The following EPHB2 variants were observed in gnomAD, a reference collection of about 807,000 sequenced individuals.
EPHB2 encodes EPH receptor B2, also known as ephrin type-B receptor 2.
A neutral mutation model predicts 96.4 loss-of-function variants in EPHB2; 18 were observed. The observed-to-expected ratio is 0.19, with a 90% CI of 0.13 to 0.28. The LOEUF is 0.28. Among genes scored for constraint, EPHB2 ranks in the 10% least tolerant of loss-of-function variants. The pLI is 1.00. For missense variants in EPHB2, 989 were observed against 1,355.4 expected (o/e 0.73, Z 4.25); for synonymous variants, 506 against 534.1 (o/e 0.95, Z 0.72).
At position 22,914,209 on chromosome 1, in the gene EPHB2, T is replaced by C; in HGVS notation, c.*639T>C. The C allele has an allele frequency of 4.2e-6, 1 of 236,266 alleles. No homozygotes were observed. The highest frequency in any genetic ancestry group is 8.3e-5 in the South Asian group (1 of 12,118). The allele number at this position is 236,266 out of a possible 1,614,324, so 14.6% of individuals were successfully genotyped here. On this transcript the variant is annotated 3_prime_UTR_variant, in exon 16 of 16. Coordinates refer to ENST00000374630, the MANE Select transcript of EPHB2 (RefSeq NM_017449.5). ...CAATGAAAGACACTGTTTCTCCTGTTGGCTCACAGGGCTGAAAGGGGCTTT... is the reference window on the plus strand; with the variant it reads ...CAATGAAAGACACTGTTTCTCCTGTCGGCTCACAGGGCTGAAAGGGGCTTT...
chr1:22,780,217 G>A (rs1199339973), intron 1 of EPHB2, among the ~76,000 whole-genome samples: 1 of 152,226 alleles, frequency 6.6e-6, no homozygotes, highest in Non-Finnish European at 1.5e-5. Context: ...AGAGGACAGG[G>A]GTCCTGAACC....
At chr1:22,815,554 G>C (rs1645063647) in intron 3 of EPHB2, among the ~76,000 whole-genome samples, 1 of 152,234 alleles carries the variant, frequency 6.6e-6, no homozygotes, top group African/African-American at 2.4e-5. Flanking sequence ...CCACGCTGGA[G>C]GCTGGCCTGA....
intron 3 of EPHB2, among the ~76,000 whole-genome samples, chr1:22,819,301 C>T (rs771642826): frequency 6.6e-6 from 1 of 151,382 alleles, no homozygotes; most frequent in East Asian, 2.0e-4. Context: ...CTCCGGCCAC[C>T]GCCTCTCACA....
chr1:22,834,616 C>T (rs1645352870), intron 3 of EPHB2, among the ~76,000 whole-genome samples: 1 of 151,882 alleles, frequency 6.6e-6, no homozygotes, highest in African/African-American at 2.4e-5. Context: ...GCCAATAAAA[C>T]TTTATTTTCA....
chr1:22,820,099 C>T (rs1321882121), intron 3 of EPHB2, among the ~76,000 whole-genome samples: 2 of 152,138 alleles, frequency 1.3e-5, no homozygotes, highest in African/African-American at 2.4e-5. Flanking sequence ...ATATATCTCA[C>T]CATCCCCAGG....
In EPHB2 at chr1:22,758,861, T is replaced by G. The variant is rs544586884; in HGVS notation, c.62-22560T>G. 5.7e-5 allele frequency among the ~76,000 whole-genome samples: 8 copies of G among 140,822 alleles called. No individual in the cohort carries two copies. In the South Asian group the frequency reaches 1.8e-3, roughly 32 times the overall value. The allele number at this position is 140,822 out of a possible 152,430, so 92.4% of individuals were successfully genotyped here. On this transcript the variant is annotated intron_variant, in intron 1 of 15. Coordinates refer to ENST00000374630, the MANE Select transcript of EPHB2 (RefSeq NM_017449.5). ...TATTGGGGGCCCAGCCAGGTCCTGG[T>G]GGATGGATGATGGATGGATGAATGG...
intron 3 of EPHB2, among the ~76,000 whole-genome samples, chr1:22,850,423 G>C (rs993901197): frequency 3.3e-5 from 5 of 152,212 alleles, no homozygotes; most frequent in Non-Finnish European, 7.3e-5. Context: ...TCACCCTCAC[G>C]GTACCAGGAC....
At chr1:22,756,987 G>C (rs1557656230) in intron 1 of EPHB2, among the ~76,000 whole-genome samples, 1 of 152,172 alleles carries the variant, frequency 6.6e-6, no homozygotes, top group Non-Finnish European at 1.5e-5. Flanking sequence ...CCTAAATGAT[G>C]TTTAGTTTGT....
chr1:22,771,289 G>A (rs775193056), intron 1 of EPHB2, among the ~76,000 whole-genome samples: 1 of 152,200 alleles, frequency 6.6e-6, no homozygotes, highest in Non-Finnish European at 1.5e-5. Context: ...GACTCTGGGA[G>A]CCCCAGCACC....
At chr1:22,752,828 G>T (rs552434236) in intron 1 of EPHB2, among the ~76,000 whole-genome samples, 1 of 152,054 alleles carries the variant, frequency 6.6e-6, no homozygotes, top group African/African-American at 2.4e-5. Context: ...CTGTCGCCCC[G>T]GCTGGAGTGC....
intron 1 of EPHB2, among the ~76,000 whole-genome samples, chr1:22,750,992 T>C (rs973018889): frequency 6.6e-6 from 1 of 152,230 alleles, no homozygotes; most frequent in Non-Finnish European, 1.5e-5. Flanking sequence ...GGCTCTCTTC[T>C]AGTTCCAGCA....
intron 5 of EPHB2, among the ~76,000 whole-genome samples, chr1:22,870,013 G>T (rs1638608985): frequency 6.6e-6 from 1 of 152,298 alleles, no homozygotes; most frequent in East Asian, 1.9e-4. Context: ...GTGGGGTGAG[G>T]TGGGGTGTGG....
At chr1:22,816,238 T>G (rs1481825041) in intron 3 of EPHB2, among the ~76,000 whole-genome samples, 1 of 152,152 alleles carries the variant, frequency 6.6e-6, no homozygotes. Flanking sequence ...GTAATAGCCC[T>G]GCCGGCCCTC....
chr1:22,737,612 C>A (rs760312411), intron 1 of EPHB2, among the ~76,000 whole-genome samples: 1 of 152,176 alleles, frequency 6.6e-6, no homozygotes, highest in African/African-American at 2.4e-5. Flanking sequence ...TTTGTACTTA[C>A]CCTCAGCTCT....
rs1264066538 is a variant in EPHB2 at position 22,866,788 on chromosome 1, G to A, written c.1303+1576G>A. On this transcript the variant is annotated intron_variant, in intron 5 of 15. Coordinates refer to ENST00000374630, the MANE Select transcript of EPHB2 (RefSeq NM_017449.5). Reference sequence around the variant, plus strand: ...ATCTCTATTAAAAATACAAAAATTAGCCAGGTATGGTCGCGGGCACCTGTA... The same window carrying A: ...ATCTCTATTAAAAATACAAAAATTAACCAGGTATGGTCGCGGGCACCTGTA... Among the ~76,000 whole-genome samples the A allele has an allele frequency of 2.6e-5, 4 of 152,184 alleles. No homozygotes were observed. In the South Asian group the frequency reaches 8.3e-4, roughly 32 times the overall value.
At chr1:22,721,863 T>C (rs986802442) in intron 1 of EPHB2, among the ~76,000 whole-genome samples, 5 of 151,946 alleles carry the variant, frequency 3.3e-5, no homozygotes, top group Non-Finnish European at 5.9e-5. Flanking sequence ...CAGTCCTCCT[T>C]CTTCAGCCTC....
Position 22,804,123 on chromosome 1 carries a change from A to G in EPHB2, c.811+19047A>G, listed in dbSNP as rs1259371058. 1.3e-5 allele frequency among the ~76,000 whole-genome samples: 2 copies of G among 152,200 alleles called. 1 individual carries two copies. Among genetic ancestry groups the G allele is most frequent in the South Asian group, 4.1e-4 (2 of 4,830 alleles). On this transcript the variant is annotated intron_variant, in intron 3 of 15. Coordinates refer to ENST00000374630, the MANE Select transcript of EPHB2 (RefSeq NM_017449.5). The stretch of plus-strand genomic sequence containing the variant: ...GGGCTTGTGCGGTCTCACAGAGCAC[A>G]TTAATGGAACTGCCTTTTACACTCA...
intron 5 of EPHB2, among the ~76,000 whole-genome samples, chr1:22,877,105 G>T (rs1263344221): frequency 2.6e-5 from 4 of 152,198 alleles, no homozygotes; most frequent in African/African-American, 9.6e-5. Flanking sequence ...GTCCTCAGGG[G>T]CCCTCGGAGG....
intron 1 of EPHB2, among the ~76,000 whole-genome samples, chr1:22,742,000 A>G (rs1005162583): frequency 2.1e-5 from 3 of 146,122 alleles, no homozygotes; most frequent in African/African-American, 7.6e-5. Flanking sequence ...ATTTTATTTT[A>G]CTCATGAACT....
Sources: allele counts gnomAD v4.1 joint callset (sites outside exome capture counted in the v4.1 genomes callset), GRCh38; gene constraint gnomAD v4.1.1; transcripts MANE v1.5; gene names NCBI Gene and HGNC (gene_info 2026-07-23, HGNC 2026-07-21).